PHACTR2: variants seen among roughly 807,000 people sequenced by gnomAD.
PHACTR2 encodes the protein phosphatase and actin regulator 2, also known as chromosome 6 open reading frame 56.
In PHACTR2, 30 loss-of-function variants were observed where a neutral mutation model predicts 76.0. The ratio of observed to expected loss-of-function variants is 0.39; its 90% CI spans 0.30 to 0.54. PHACTR2 has a LOEUF of 0.54. Ranked by LOEUF, PHACTR2 falls within the 20% of genes least tolerant of loss-of-function variation. The pLI is 0.61. For missense variants in PHACTR2, 696 were observed against 781.1 expected (o/e 0.89, Z 1.30); for synonymous variants, 292 against 292.5 (o/e 1.00, Z 0.02).
At chr6:143,727,873 A>G (rs940407592) in intron 2 of PHACTR2, among the ~76,000 whole-genome samples, 2 of 152,242 alleles carry the variant, frequency 1.3e-5, no homozygotes, top group African/African-American at 4.8e-5. Flanking sequence ...TGACAAACCA[A>G]CAGCTAACAT....
At chr6:143,781,682 AG>A (rs1775437322) in intron 9 of PHACTR2, among the ~76,000 whole-genome samples, 1 of 152,206 alleles carries the variant, frequency 6.6e-6, no homozygotes, top group Admixed American at 6.5e-5. Flanking sequence ...ACAATCCACA[AG>A]CTTTATCCAA....
chr6:143,651,715 A>G (rs1261401305), intron 1 of PHACTR2, among the ~76,000 whole-genome samples: 2 of 152,068 alleles, frequency 1.3e-5, no homozygotes, highest in Admixed American at 1.3e-4. Flanking sequence ...AGGGAGGGAG[A>G]GCGTCAGGAA....
rs1442005459 is a variant in PHACTR2 at position 143,556,650 on chromosome 6, G to A, written c.217+19443G>A. On this transcript the variant is annotated intron_variant, in intron 1 of 11. Coordinates refer to the PHACTR2 transcript ENST00000367584. The surrounding 1 kb of genome is among the most constrained non-coding windows in gnomAD (Gnocchi z 4.3). ...AGCTTCCCAGCTTGGAGGACTCTAG[G>A]TTTGAAGCTTTCAGCTGCTATCAGA... Among the ~76,000 whole-genome samples, 4 of 152,184 alleles carry A rather than the reference G, an allele frequency of 2.6e-5. No homozygotes were observed. The highest frequency in any genetic ancestry group is 4.4e-5 in the Non-Finnish European group (3 of 68,042).
intron 1 of PHACTR2, among the ~76,000 whole-genome samples, chr6:143,568,759 C>T (rs1476913877): frequency 6.6e-6 from 1 of 152,172 alleles, no homozygotes; most frequent in Non-Finnish European, 1.5e-5. Context: ...AAGCTTAGCA[C>T]GTCCCTTATA....
chr6:143,768,720 A>G (rs545899446), intron 6 of PHACTR2, among the ~76,000 whole-genome samples: 3 of 152,212 alleles, frequency 2.0e-5, no homozygotes, highest in Non-Finnish European at 4.4e-5. Context: ...CTTCATTCCT[A>G]CTGGGACTAT....
At chr6:143,615,264 C>T (rs989866613) in intron 1 of PHACTR2, among the ~76,000 whole-genome samples, 11 of 152,232 alleles carry the variant, frequency 7.2e-5, no homozygotes, top group African/African-American at 2.6e-4. Context: ...CATCATTTTT[C>T]ATGTTGTTTT....
chr6:143,771,218 A>ATG, intron 6 of PHACTR2, among the ~76,000 whole-genome samples: 1 of 102,066 alleles, frequency 9.8e-6, no homozygotes, highest in African/African-American at 4.3e-5. Flanking sequence ...ATATATATAT[A>ATG]TATATATATA....
At chr6:143,778,099 C>T (rs974057740) in intron 9 of PHACTR2, among the ~76,000 whole-genome samples, 2 of 152,070 alleles carry the variant, frequency 1.3e-5, no homozygotes, top group African/African-American at 2.4e-5. Flanking sequence ...AGTTAAGAAA[C>T]GGATATTTTT....
In PHACTR2 at chr6:143,639,935, G is replaced by A. The variant is rs1776534178; in HGVS notation, c.13+31613G>A. ...AGCCTCCAGAAGCTGGAGGAAGCAA[G>A]GAATAACAACTTGTTATTAATAGAG... On this transcript the variant is annotated intron_variant, in intron 1 of 11. Coordinates refer to the PHACTR2 transcript ENST00000305766. This position sits in a 1 kb window ranked among gnomAD's most constrained non-coding sequence, Gnocchi z 5.0. Among the ~76,000 whole-genome samples, 1 of 152,132 alleles carries A rather than the reference G, an allele frequency of 6.6e-6. No homozygotes were observed.
rs1258129744 is a variant in PHACTR2, at chr6:143,598,461, A to G, written c.217+61254A>G. ...AAGACTAATTTTGGATTTCTGACCC[A>G]GAACCATCAGAGTAAATTTTGGCTG... On this transcript the variant is annotated intron_variant, in intron 1 of 11. Transcript: ENST00000367584. This position sits in a 1 kb window ranked among gnomAD's most constrained non-coding sequence, Gnocchi z 4.1. Among the ~76,000 whole-genome samples, 3 of 152,232 alleles carry G rather than the reference A, an allele frequency of 2.0e-5. No homozygotes were observed. Among genetic ancestry groups the G allele is most frequent in the Non-Finnish European group, 4.4e-5 (3 of 68,032 alleles).
At chr6:143,604,679 C>T (rs1243226930), upstream of PHACTR2, among the ~76,000 whole-genome samples, 2 of 151,974 alleles carry the variant, frequency 1.3e-5, no homozygotes, top group Non-Finnish European at 2.9e-5. Flanking sequence ...GTCAGGAGTT[C>T]AAGACCAGCC....
chr6:143,813,984 A>G (rs918719953), intron 12 of PHACTR2, among the ~76,000 whole-genome samples: 2 of 152,220 alleles, frequency 1.3e-5, no homozygotes, highest in South Asian at 2.1e-4. Flanking sequence ...CAATCAACAC[A>G]TATTTTGTAT....
rs961076350 is a variant in PHACTR2, at chr6:143,664,629, C to T, written c.14-47387C>T. ...AATTATTTAGTACATATATCTTTCC[C>T]CGATCAAAATCAGGACTTTAACATA... is the stretch of plus-strand genomic sequence containing the variant. On this transcript the variant is annotated intron_variant, in intron 1 of 11. Transcript: ENST00000305766. This position sits in a 1 kb window ranked among gnomAD's most constrained non-coding sequence, Gnocchi z 5.1. Among the ~76,000 whole-genome samples, 1 of 152,030 alleles carries T rather than the reference C, an allele frequency of 6.6e-6. No homozygotes were observed. The highest frequency in any genetic ancestry group is 1.5e-5 in the Non-Finnish European group (1 of 68,008).
intron 2 of PHACTR2, 75 bp downstream of exon 2, chr6:143,712,258 AGTGTG>A: frequency 9.7e-7 from 1 of 1,028,192 alleles, no homozygotes; most frequent in Non-Finnish European, 1.3e-6. Flanking sequence ...TATGTTTTAC[AGTGTG>A]TTTTTTCCCA....
chr6:143,721,532 T>TA (rs1473916492), intron 2 of PHACTR2, among the ~76,000 whole-genome samples: 1 of 152,224 alleles, frequency 6.6e-6, no homozygotes, highest in East Asian at 1.9e-4. Flanking sequence ...CATGCAGTCA[T>TA]TGAGCTTCTC....
In PHACTR2 at chr6:143,648,269, G is replaced by A. The variant is rs1582733772; in HGVS notation, c.13+39947G>A. The stretch of plus-strand genomic sequence containing the variant: ...AGGGCAGGGCCTAGGAAACATGGTG[G>A]AAGTTTTGAGATAAAAATATTGCAG... On this transcript the variant is annotated intron_variant, in intron 1 of 11. Coordinates refer to the PHACTR2 transcript ENST00000305766. The surrounding 1 kb of genome is among the most constrained non-coding windows in gnomAD (Gnocchi z 6.7). Among the ~76,000 whole-genome samples, 1 of 152,330 alleles carries A rather than the reference G, an allele frequency of 6.6e-6. No individual in the cohort carries two copies. The highest frequency in any genetic ancestry group is 2.4e-5 in the African/African-American group (1 of 41,572).
intron 1 of PHACTR2, among the ~76,000 whole-genome samples, chr6:143,665,595 A>G (rs2128449342): frequency 6.6e-6 from 1 of 152,292 alleles, no homozygotes; most frequent in South Asian, 2.1e-4. Context: ...CCCACATTCA[A>G]TCCATAGGGA....
In PHACTR2 at chr6:143,611,351, T is replaced by C. The variant is rs1007306290; in HGVS notation, c.13+3029T>C. ...CCTTTTGACAATTGATGTACATTCA[T>C]TGAGTTTGAGAAGGTCACAGTCTGC... On this transcript the variant is annotated intron_variant, in intron 1 of 11. Coordinates refer to the PHACTR2 transcript ENST00000305766. This position sits in a 1 kb window ranked among gnomAD's most constrained non-coding sequence, Gnocchi z 4.4. 7.8e-4 allele frequency among the ~76,000 whole-genome samples: 118 copies of C among 152,160 alleles called. No homozygotes were observed. Among genetic ancestry groups the C allele is most frequent in the African/African-American group, 2.7e-3 (113 of 41,432 alleles).
chr6:143,771,158 G>GTATATATA (rs1341330418), intron 6 of PHACTR2, among the ~76,000 whole-genome samples: 9 of 14,590 alleles, frequency 6.2e-4, no homozygotes, highest in African/African-American at 1.4e-3. Flanking sequence ...ATATATATAT[G>GTATATATA]TATATATATA....
Sources: allele counts gnomAD v4.1 joint callset (sites outside exome capture counted in the v4.1 genomes callset), GRCh38; gene constraint gnomAD v4.1.1; non-coding constraint Gnocchi (gnomAD v3.1); transcripts MANE v1.5; gene names NCBI Gene and HGNC (gene_info 2026-07-23, HGNC 2026-07-21).